The following RALYL variants were observed in gnomAD, a reference collection of about 807,000 sequenced individuals.
RALYL encodes RNA-binding Raly-like protein.
RALYL carries 29 observed loss-of-function variants against 35.1 expected under a neutral mutation model. That is an observed-to-expected ratio of 0.83 (90% CI 0.61 to 1.13). RALYL has a LOEUF of 1.13. RALYL is among the 50% of genes most tolerant of loss of function. The pLI is 0.00. For missense variants in RALYL, 359 were observed against 360.4 expected (o/e 1.00, Z 0.03); for synonymous variants, 120 against 127.6 (o/e 0.94, Z 0.40).
At chr8:84,318,192 AATT>A (rs386727348) in intron 1 of RALYL, among the ~76,000 whole-genome samples, 7,188 of 152,246 alleles carry the variant, frequency 0.047, 263 homozygotes, top group African/African-American at 0.083. Flanking sequence ...TAGAGTATCA[AATT>A]CAAGCATGGG....
At chr8:84,636,998 A>G (rs1825203267) in intron 2 of RALYL, among the ~76,000 whole-genome samples, 2 of 151,926 alleles carry the variant, frequency 1.3e-5, no homozygotes. Context: ...GCTTAGACTC[A>G]GTGTCATATC....
At chr8:84,594,833 G>C (rs920782827) in intron 2 of RALYL, among the ~76,000 whole-genome samples, 10 of 152,064 alleles carry the variant, frequency 6.6e-5, no homozygotes, top group African/African-American at 2.2e-4. Flanking sequence ...AGTCTATCAA[G>C]TTGGGGTTTC....
At chr8:84,710,229 T>C (rs1841945140) in intron 2 of RALYL, among the ~76,000 whole-genome samples, 2 of 151,922 alleles carry the variant, frequency 1.3e-5, no homozygotes, top group African/African-American at 4.8e-5. Flanking sequence ...CCTTCCTAAA[T>C]GCCTCTCCAG....
chr8:84,780,704 A>G (rs573556895), intron 3 of RALYL, among the ~76,000 whole-genome samples: 1 of 152,216 alleles, frequency 6.6e-6, no homozygotes, highest in Non-Finnish European at 1.5e-5. Context: ...TTTGGGCTGC[A>G]TAAAGGAAGA....
chr8:84,399,268 G>T (rs564062422), intron 1 of RALYL, among the ~76,000 whole-genome samples: 2 of 152,228 alleles, frequency 1.3e-5, no homozygotes, highest in African/African-American at 4.8e-5. Context: ...CTAAGTTAAT[G>T]CTCACAATGA....
intron 2 of RALYL, among the ~76,000 whole-genome samples, chr8:84,606,306 C>T (rs1024428717): frequency 3.3e-5 from 5 of 152,110 alleles, no homozygotes; most frequent in African/African-American, 7.2e-5. Flanking sequence ...TTGAATGAAT[C>T]GTTTTCAGCA....
At chr8:84,914,660 C>T (rs888246655) in intron 8 of RALYL, among the ~76,000 whole-genome samples, 1 of 151,408 alleles carries the variant, frequency 6.6e-6, no homozygotes, top group Non-Finnish European at 1.5e-5. Flanking sequence ...TTCTTTTTAC[C>T]TAATCAAAGT....
intron 1 of RALYL, among the ~76,000 whole-genome samples, chr8:84,419,883 T>A (rs1157359016): frequency 6.6e-6 from 1 of 151,898 alleles, no homozygotes; most frequent in Non-Finnish European, 1.5e-5. Context: ...ACTCATCATT[T>A]TTTATGGCTG....
At chr8:84,586,433 G>A (rs1588352896) in intron 2 of RALYL, among the ~76,000 whole-genome samples, 1 of 152,092 alleles carries the variant, frequency 6.6e-6, no homozygotes, top group Non-Finnish European at 1.5e-5. Context: ...GCACATCAAG[G>A]CTTAAACTCT....
At chr8:84,235,052 C>T (rs1826205897) in intron 1 of RALYL, among the ~76,000 whole-genome samples, 1 of 151,992 alleles carries the variant, frequency 6.6e-6, no homozygotes, top group Non-Finnish European at 1.5e-5. Flanking sequence ...CGTGAGCCAC[C>T]GCGCCGGGCC....
intron 1 of RALYL, chr8:84,185,205 G>T: frequency 1.5e-6 from 1 of 654,746 alleles, no homozygotes. Context: ...GACGCTGTTA[G>T]TTTGCAGTAA....
At chr8:84,210,953 T>G (rs983988603) in intron 1 of RALYL, among the ~76,000 whole-genome samples, 3 of 152,134 alleles carry the variant, frequency 2.0e-5, no homozygotes, top group Admixed American at 6.6e-5. Context: ...TGAATAATAA[T>G]GCAGTTTTCT....
intron 1 of RALYL, among the ~76,000 whole-genome samples, chr8:84,410,392 C>T (rs1307416402): frequency 2.0e-5 from 3 of 151,764 alleles, no homozygotes; most frequent in African/African-American, 7.2e-5. Flanking sequence ...CTACATAATC[C>T]AGAACAGATA....
At chr8:84,471,242 T>A (rs2052703262) in intron 1 of RALYL, among the ~76,000 whole-genome samples, 1 of 152,076 alleles carries the variant, frequency 6.6e-6, no homozygotes, top group African/African-American at 2.4e-5. Flanking sequence ...ATGCAGGTTT[T>A]TAAAATTAGC....
intron 1 of RALYL, among the ~76,000 whole-genome samples, chr8:84,492,112 A>G (rs1010337655): frequency 3.3e-5 from 5 of 152,030 alleles, no homozygotes; most frequent in African/African-American, 1.2e-4. Flanking sequence ...TCCACTTGCA[A>G]AATAACTGAG....
At chr8:84,565,992 C>T (rs947932872) in intron 2 of RALYL, among the ~76,000 whole-genome samples, 2 of 151,544 alleles carry the variant, frequency 1.3e-5, no homozygotes, top group Non-Finnish European at 3.0e-5. Flanking sequence ...TGCCTTAGTA[C>T]ATTGGACACA....
intron 1 of RALYL, among the ~76,000 whole-genome samples, chr8:84,470,858 A>G (rs573658776): frequency 6.6e-6 from 1 of 152,348 alleles, no homozygotes; most frequent in East Asian, 1.9e-4. Flanking sequence ...ATTACAATCA[A>G]ACTTGGCTTG....
At chr8:84,749,184 C>T (rs1269085560) in intron 2 of RALYL, among the ~76,000 whole-genome samples, 6 of 152,118 alleles carry the variant, frequency 3.9e-5, no homozygotes, top group Non-Finnish European at 7.4e-5. Context: ...ATTGGAATTA[C>T]TGTAAAAAAA....
chr8:84,518,464 G>T (rs2058222907), intron 1 of RALYL, among the ~76,000 whole-genome samples: 1 of 152,160 alleles, frequency 6.6e-6, no homozygotes, highest in African/African-American at 2.4e-5. Flanking sequence ...TGCATTGCTA[G>T]ATGCTATCAT....
Sources: gnomAD v4.1 joint callset for allele counts (sites outside exome capture counted in the v4.1 genomes callset) on GRCh38, gnomAD v4.1.1 for gene constraint, MANE v1.5 for transcripts, NCBI Gene and HGNC (gene_info 2026-07-23, HGNC 2026-07-21) for gene names.